Variants in NKAIN2 observed in about 807,000 individuals in gnomAD.
NKAIN2 encodes sodium/potassium-transporting ATPase subunit beta-1-interacting protein 2.
NKAIN2 carries 14 observed loss-of-function variants against 32.6 expected under a neutral mutation model. The observed-to-expected ratio is 0.43, with a 90% confidence interval of 0.28 to 0.67. The LOEUF (loss-of-function observed/expected upper bound fraction) is 0.67. Ranked by LOEUF, NKAIN2 falls within the 30% of genes least tolerant of loss-of-function variation. The probability of loss-of-function intolerance (pLI) is 0.17; values close to 1 mark genes in which losing one functional copy is unlikely to be tolerated. For synonymous variants in NKAIN2, 80 were observed against 87.2 expected (o/e 0.92, Z 0.46); for missense variants, 198 against 258.3 (o/e 0.77, Z 1.60).
At chr6:123,920,093 A>G (rs1378679199) in intron 1 of NKAIN2, among the ~76,000 whole-genome samples, 3 of 152,112 alleles carry the variant, frequency 2.0e-5, no homozygotes, top group Admixed American at 6.6e-5. Context: ...TGGCTTTGCA[A>G]TGAATATGAT....
At chr6:124,509,525 C>T (rs530063773) in intron 3 of NKAIN2, among the ~76,000 whole-genome samples, 5 of 152,228 alleles carry the variant, frequency 3.3e-5, no homozygotes, top group African/African-American at 1.2e-4. Context: ...GTCTTTATTT[C>T]GTTCTACCAC....
At chr6:124,214,976 T>C (rs866226844) in intron 1 of NKAIN2, among the ~76,000 whole-genome samples, 91 of 151,894 alleles carry the variant, frequency 6.0e-4, no homozygotes, top group African/African-American at 2.2e-3. Context: ...AAGCTGCCGA[T>C]ATATGAGACA....
At chr6:124,778,967 C>T (rs1009352056) in intron 4 of NKAIN2, among the ~76,000 whole-genome samples, 3 of 151,980 alleles carry the variant, frequency 2.0e-5, no homozygotes, top group Admixed American at 6.6e-5. Flanking sequence ...AAAGTGCATT[C>T]ATAGTTATGA....
At chr6:124,760,166 C>T (rs1327775851) in intron 4 of NKAIN2, among the ~76,000 whole-genome samples, 3 of 151,920 alleles carry the variant, frequency 2.0e-5, no homozygotes, top group Non-Finnish European at 2.9e-5. Context: ...AACCAAACAC[C>T]GCATGTTCTC....
intron 1 of NKAIN2, among the ~76,000 whole-genome samples, chr6:124,084,422 C>T (rs919293208): frequency 2.0e-5 from 3 of 151,122 alleles, no homozygotes; most frequent in South Asian, 2.1e-4. Flanking sequence ...ATGGCCTAGA[C>T]GTATAGTAGA....
chr6:124,823,207 T>C lies in NKAIN2; in HGVS notation c.618-13T>C. 1 of 1,582,124 alleles carries C rather than the reference T, an allele frequency of 6.3e-7. No homozygotes were observed. The highest frequency in any genetic ancestry group is 8.7e-7 in the Non-Finnish European group (1 of 1,150,380). ...TTTCCCCCTTGACTAAAAACATCTT[T>C]TCTCTCTCTCAGGTCAAAATAATAC... On this transcript the variant is annotated splice_polypyrimidine_tract_variant and intron_variant, in intron 6 of 6. Coordinates refer to ENST00000368417, the MANE Select transcript of NKAIN2 (RefSeq NM_001040214.3).
intron 3 of NKAIN2, among the ~76,000 whole-genome samples, chr6:124,641,298 T>C (rs1446743659): frequency 6.6e-6 from 1 of 152,096 alleles, no homozygotes; most frequent in Non-Finnish European, 1.5e-5. Context: ...GCAAAAAGAA[T>C]AGACCAATGA....
At chr6:123,858,588 C>T (rs1299310260) in intron 1 of NKAIN2, among the ~76,000 whole-genome samples, 1 of 152,100 alleles carries the variant, frequency 6.6e-6, no homozygotes, top group Non-Finnish European at 1.5e-5. Context: ...AAAGTACTGC[C>T]TTTAGAGCTA....
At chr6:123,984,157 T>C in intron 1 of NKAIN2, among the ~76,000 whole-genome samples, 1 of 152,318 alleles carries the variant, frequency 6.6e-6, no homozygotes, top group East Asian at 1.9e-4. Flanking sequence ...TCCGCCCATC[T>C]CAGCCTCCCA....
intron 3 of NKAIN2, among the ~76,000 whole-genome samples, chr6:124,559,379 G>GAAGTGACGAGCTGAGGCT (rs1259868029): frequency 6.6e-6 from 1 of 152,120 alleles, no homozygotes; most frequent in Non-Finnish European, 1.5e-5. Context: ...TTGTCTCAAA[G>GAAGTGACGAGCTGAGGCT]AAGTGACGAG....
intron 3 of NKAIN2, among the ~76,000 whole-genome samples, chr6:124,396,509 C>T (rs61649803): frequency 0.037 from 5,593 of 150,890 alleles, 329 homozygotes; most frequent in African/African-American, 0.13. Context: ...TGAAGGGCAT[C>T]GGCTGACTAG....
At chr6:124,143,799 A>G (rs901830031) in intron 1 of NKAIN2, among the ~76,000 whole-genome samples, 1 of 152,334 alleles carries the variant, frequency 6.6e-6, no homozygotes, top group South Asian at 2.1e-4. Flanking sequence ...GTATATACCT[A>G]TCATTAGAAT....
At chr6:124,800,502 C>A (rs1780204997) in intron 5 of NKAIN2, among the ~76,000 whole-genome samples, 1 of 152,134 alleles carries the variant, frequency 6.6e-6, no homozygotes, top group Admixed American at 6.6e-5. Context: ...GAAAGAGAAA[C>A]AAACTTAAAG....
chr6:124,285,026 T>C (rs979892348), intron 2 of NKAIN2, among the ~76,000 whole-genome samples: 4 of 152,206 alleles, frequency 2.6e-5, no homozygotes, highest in African/African-American at 9.6e-5. Context: ...AGAGTTATGA[T>C]GCCAAGGGAA....
At chr6:124,073,981 A>G (rs1051232095) in intron 1 of NKAIN2, among the ~76,000 whole-genome samples, 5 of 152,312 alleles carry the variant, frequency 3.3e-5, no homozygotes, top group African/African-American at 7.2e-5. Context: ...AGGCAGACAT[A>G]GGATTCAGCA....
intron 1 of NKAIN2, among the ~76,000 whole-genome samples, chr6:123,814,130 T>TAA (rs1201467279): frequency 6.6e-6 from 1 of 152,172 alleles, no homozygotes; most frequent in African/African-American, 2.4e-5. Context: ...AAAGGCTTCT[T>TAA]TCATTTTCCT....
At chr6:124,468,884 T>A (rs1776864849) in intron 3 of NKAIN2, among the ~76,000 whole-genome samples, 1 of 152,164 alleles carries the variant, frequency 6.6e-6, no homozygotes, top group African/African-American at 2.4e-5. Flanking sequence ...TCAGGTAGTT[T>A]AAGTAAAGTT....
In NKAIN2 at chr6:123,971,749, G is replaced by A. The variant is rs374164901; in HGVS notation, c.54+167495G>A. Among the ~76,000 whole-genome samples, 4 of 152,186 alleles carry A rather than the reference G, an allele frequency of 2.6e-5. No individual in the cohort carries two copies. In the South Asian group the frequency reaches 6.2e-4, roughly 24 times the overall value. ...GCTCTTAGTTAGTGAAATCTAACAA[G>A]CACCCAGACCGATAACATGTGAGTT... On this transcript the variant is annotated intron_variant, in intron 1 of 6. Coordinates refer to ENST00000368417, the MANE Select transcript of NKAIN2 (RefSeq NM_001040214.3).
chr6:124,821,594 T>C (rs1781396703), intron 6 of NKAIN2, among the ~76,000 whole-genome samples: 1 of 152,194 alleles, frequency 6.6e-6, no homozygotes, highest in Non-Finnish European at 1.5e-5. Flanking sequence ...ACTTATGATT[T>C]TGTTAAACAG....
Sources: allele counts gnomAD v4.1 joint callset (sites outside exome capture counted in the v4.1 genomes callset), GRCh38; gene constraint gnomAD v4.1.1; transcripts MANE v1.5; gene names NCBI Gene and HGNC (gene_info 2026-07-23, HGNC 2026-07-21).